Variants in CERS4 observed in about 807,000 individuals in gnomAD.
CERS4 encodes ceramide synthase 4.
A neutral mutation model predicts 51.8 loss-of-function variants in CERS4; 65 were observed. That is an observed-to-expected ratio of 1.26 (90% CI 1.03 to 1.54). The LOEUF (loss-of-function observed/expected upper bound fraction) is 1.54, where lower values mean the gene tolerates loss of function less well. Among genes scored for constraint, CERS4 ranks in the 40% most tolerant of loss-of-function variants. CERS4 has a pLI of 0.00. For missense variants in CERS4, 563 were observed against 500.4 expected, an observed-to-expected ratio of 1.13 and a Z score of -1.19; for synonymous variants, 228 against 208.4, an observed-to-expected ratio of 1.09 and a Z score of -0.81.
chr19:8,223,192 C>T (rs1967635358), intron 2 of CERS4, among the ~76,000 whole-genome samples: 1 of 151,162 alleles, frequency 6.6e-6, no homozygotes, highest in Non-Finnish European at 1.5e-5. Flanking sequence ...ATTAGCTGGG[C>T]ATGGCGGCAT....
At position 8,251,281 on chromosome 19, in the gene CERS4, C is replaced by T. The variant is rs1319380081; in HGVS notation, c.173+32C>T. On this transcript the variant is annotated intron_variant, in intron 3 of 11. Transcript: ENST00000251363. ...GTCTGCCCTGCCGCAATCCATTGCC[C>T]CCGCAGTCGCTCCAGTATGTGCTCG... 5.8e-6 allele frequency: 9 copies of T among 1,544,704 alleles called. No homozygotes were observed. The East Asian group carries it at 1.9e-4, about 32-fold the overall frequency.
At chr19:8,250,823 C>G in intron 2 of CERS4, 1 of 1,251,810 alleles carries the variant, frequency 8.0e-7, no homozygotes, top group Non-Finnish European at 1.0e-6. Context: ...GACACACAGC[C>G]CAACTCTGCC....
chr19:8,220,336 G>A (rs943654367), intron 2 of CERS4, among the ~76,000 whole-genome samples: 5 of 151,810 alleles, frequency 3.3e-5, no homozygotes, highest in Non-Finnish European at 5.9e-5. Flanking sequence ...ACAGCACCAT[G>A]CTCTGTTACC....
Position 8,255,639 on chromosome 19 carries a change from C to T in CERS4, c.324C>T (p.Gly108=), listed in dbSNP as rs757609856. Residue 108 remains glycine, a synonymous_variant, in exon 5 of 12, where the codon GGC becomes GGT. Transcript: ENST00000251363. ...TGTCTCTCCTGGCCGCCCAGTGTGG[C>T]CTCACGCTGCAGCAGACCCAGCGAT... ...PQLSLLAAQC[G]LTLQQTQRWF... The T allele has an allele frequency of 6.2e-7, 1 of 1,612,864 alleles. No individual in the cohort carries two copies.
chr19:8,247,532 A>T (rs1468092177), intron 2 of CERS4, among the ~76,000 whole-genome samples: 1 of 151,934 alleles, frequency 6.6e-6, no homozygotes, highest in Non-Finnish European at 1.5e-5. Context: ...TCGTACTCCC[A>T]CATCAGCTTC....
At chr19:8,236,023 G>A (rs1338388851) in intron 2 of CERS4, among the ~76,000 whole-genome samples, 3 of 152,188 alleles carry the variant, frequency 2.0e-5, no homozygotes, top group African/African-American at 4.8e-5. Context: ...GTGAAACCCC[G>A]TCTCTACCAA....
At chr19:8,250,378 T>C (rs1008546665) in intron 2 of CERS4, 1 of 152,264 alleles carries the variant, frequency 6.6e-6, no homozygotes, top group Non-Finnish European at 1.5e-5. Context: ...GGCTGTGTTA[T>C]TATTACTCTT....
At chr19:8,255,517 T>A in intron 4 of CERS4, 90 bp from the exon 5 acceptor site, 1 of 1,125,688 alleles carries the variant, frequency 8.9e-7, no homozygotes, top group South Asian at 1.5e-5. Flanking sequence ...GGGCCTGCAG[T>A]GGAGAGGGCA....
chr19:8,248,236 C>G (rs553983304), intron 2 of CERS4, among the ~76,000 whole-genome samples: 1 of 152,288 alleles, frequency 6.6e-6, no homozygotes, highest in South Asian at 2.1e-4. Context: ...GGCTTTATTC[C>G]CCTGCTGTGT....
chr19:8,243,726 T>G (rs1968638409), intron 2 of CERS4, among the ~76,000 whole-genome samples: 1 of 151,910 alleles, frequency 6.6e-6, no homozygotes, highest in Non-Finnish European at 1.5e-5. Flanking sequence ...TCTTCATGGA[T>G]TTCAACAGCA....
At position 8,217,472 on chromosome 19, in the gene CERS4, G is replaced by C. The variant is rs1033629893; in HGVS notation, c.-2+6610G>C. On this transcript the variant is annotated intron_variant, in intron 2 of 11. Transcript: ENST00000251363. The stretch of plus-strand genomic sequence containing the variant: ...CAATCTCCGCCTCCCGAGTTCAAGC[G>C]ATCCTCCTGCATCAGCTTCCTGAGT... Among the ~76,000 whole-genome samples the C allele has an allele frequency of 2.0e-5, 3 of 151,154 alleles. No homozygotes were observed. In the East Asian group the frequency reaches 5.9e-4, roughly 29 times the overall value.
rs1968933066 is a variant in CERS4 at position 8,249,083 on chromosome 19, CAG to C, written c.-1-1991_-1-1990del. Among the ~76,000 whole-genome samples the C allele has an allele frequency of 2.9e-5, 4 of 138,110 alleles. No individual in the cohort carries two copies. In the South Asian group the frequency reaches 6.8e-4, roughly 24 times the overall value. The allele number at this position is 138,110 out of a possible 152,430, so 90.6% of individuals were successfully genotyped here. ...GGATGATGAATAATGGGTGGATAGACAGATGTTTTGATGGGCGAACAGATGGA... is the reference window on the plus strand; with the variant it reads ...GGATGATGAATAATGGGTGGATAGACATGTTTTGATGGGCGAACAGATGGA... On this transcript the variant is annotated intron_variant, in intron 2 of 11. Transcript: ENST00000251363.
rs528657200 is a variant in CERS4, at chr19:8,259,746, C to T, written c.848+1761C>T. On this transcript the variant is annotated intron_variant, in intron 10 of 11. Transcript: ENST00000251363. ...AGACATGGAGAAGGCAGTGGGCATGCCAGTCTGGGCTTCTGGGGAAAGAGG... is the reference window on the plus strand; with the variant it reads ...AGACATGGAGAAGGCAGTGGGCATGTCAGTCTGGGCTTCTGGGGAAAGAGG... Among the ~76,000 whole-genome samples, 16 of 152,164 alleles carry T rather than the reference C, an allele frequency of 1.1e-4. No individual in the cohort carries two copies. In the South Asian group the frequency reaches 1.7e-3, roughly 16 times the overall value.
At chr19:8,236,680 T>TAAA (rs59164781) in intron 2 of CERS4, among the ~76,000 whole-genome samples, 83 of 122,342 alleles carry the variant, frequency 6.8e-4, no homozygotes, top group African/African-American at 2.7e-3. Context: ...CCCTGTCTTC[T>TAAA]AAAAAAAAAA....
At chr19:8,240,522 G>A (rs368428021) in intron 2 of CERS4, 2 of 152,190 alleles carry the variant, frequency 1.3e-5, no homozygotes, top group Non-Finnish European at 2.9e-5. Flanking sequence ...CTGGCCGCAG[G>A]AATCAGGTGA....
At chr19:8,237,002 C>CAAAAAAAA (rs781273995) in intron 2 of CERS4, among the ~76,000 whole-genome samples, 2 of 44,966 alleles carry the variant, frequency 4.4e-5, no homozygotes, top group Non-Finnish European at 4.1e-5. Flanking sequence ...GACTCTGTCT[C>CAAAAAAAA]AAAAAAAAAA....
chr19:8,216,822 G>A (rs777630158), intron 2 of CERS4, among the ~76,000 whole-genome samples: 13 of 152,070 alleles, frequency 8.5e-5, no homozygotes, highest in Non-Finnish European at 1.3e-4. Context: ...CTTGGGGGGC[G>A]GATGGCGTTG....
At chr19:8,219,491 C>G (rs570819743) in intron 2 of CERS4, among the ~76,000 whole-genome samples, 1 of 152,104 alleles carries the variant, frequency 6.6e-6, no homozygotes, top group Non-Finnish European at 1.5e-5. Flanking sequence ...ATAGTAAGAC[C>G]CTATCTCTAT....
At chr19:8,211,583 C>T (rs568361944) in intron 2 of CERS4, among the ~76,000 whole-genome samples, 3 of 152,272 alleles carry the variant, frequency 2.0e-5, no homozygotes, top group African/African-American at 7.2e-5. Flanking sequence ...TATCACAGAG[C>T]TGGAGGCTAT....
Sources: allele counts gnomAD v4.1 joint callset (sites outside exome capture counted in the v4.1 genomes callset), GRCh38; gene constraint gnomAD v4.1.1; transcripts MANE v1.5; gene names NCBI Gene and HGNC (gene_info 2026-07-23, HGNC 2026-07-21).